Variants in MYT1 observed in about 807,000 individuals in gnomAD.
MYT1 encodes the protein myelin transcription factor I.
MYT1 carries 23 observed loss-of-function variants against 123.0 expected under a neutral mutation model. The ratio of observed to expected loss-of-function variants is 0.19; its 90% CI spans 0.13 to 0.26. The LOEUF is 0.26. MYT1 is among the 10% of genes least tolerant of loss of function. The probability of loss-of-function intolerance (pLI) is 1.00; values close to 1 mark genes in which losing one functional copy is unlikely to be tolerated. For synonymous variants in MYT1, 518 were observed against 575.3 expected (o/e 0.90, Z 1.43); for missense variants, 1,125 against 1,472.5 (o/e 0.76, Z 3.86).
intron 1 of MYT1, among the ~76,000 whole-genome samples, chr20:64,170,884 T>TAGAGAGAGAGAGAG (rs71197459): frequency 5.5e-4 from 11 of 20,012 alleles, no homozygotes; most frequent in South Asian, 2.7e-3. Flanking sequence ...TATATATATA[T>TAGAGAGAGAGAGAG]AGAGAGAGAG....
In MYT1 at chr20:64,166,043, T is replaced by TG. The variant is rs1310204090; in HGVS notation, c.-99+1305dup. ...GGGGGTGCTGTATCCTCTACAGGGC[T>TG]GACTGAGGGAGGCTCCCCTCGGCCC... On this transcript the variant is annotated intron_variant, in intron 1 of 22. Transcript: ENST00000328439. The surrounding 1 kb of genome is among the most constrained non-coding windows in gnomAD (Gnocchi z 4.9). Among the ~76,000 whole-genome samples the TG allele has an allele frequency of 1.5e-4, 23 of 152,148 alleles. 1 individual carries two copies. Among genetic ancestry groups the TG allele is most frequent in the Non-Finnish European group, 5.9e-5 (4 of 67,992 alleles).
chr20:64,211,534 C>T (rs1437873973), intron 8 of MYT1, among the ~76,000 whole-genome samples, 194 bp downstream of exon 8: 1 of 152,240 alleles, frequency 6.6e-6, no homozygotes, highest in Non-Finnish European at 1.5e-5. Flanking sequence ...CCCTTTGAGG[C>T]TGGGGCCCTG....
rs1983127742 is a variant in MYT1 at position 64,196,569 on chromosome 20, C to G, written c.1-2293C>G. ...CGGGTTCATTCTCGTATTAAAGAGCCTGGTTTATTTTTTCTTCGGTAGTTC... is the reference window on the plus strand; with the variant it reads ...CGGGTTCATTCTCGTATTAAAGAGCGTGGTTTATTTTTTCTTCGGTAGTTC... On this transcript the variant is annotated intron_variant, in intron 2 of 22. Coordinates refer to ENST00000328439, the MANE Select transcript of MYT1 (RefSeq NM_004535.3). This position sits in a 1 kb window ranked among gnomAD's most constrained non-coding sequence, Gnocchi z 4.3. Among the ~76,000 whole-genome samples, 1 of 152,208 alleles carries G rather than the reference C, an allele frequency of 6.6e-6. No individual in the cohort carries two copies. The highest frequency in any genetic ancestry group is 1.5e-5 in the Non-Finnish European group (1 of 68,036).
Position 64,217,111 on chromosome 20 carries a change from G to A in MYT1, c.1676G>A (p.Ser559Asn). The A allele has an allele frequency of 6.2e-7, 1 of 1,614,030 alleles. No individual in the cohort carries two copies. The highest frequency in any genetic ancestry group is 1.1e-5 in the South Asian group (1 of 91,090). Residue 559 changes from serine (S) to asparagine (N), a missense_variant, in exon 11 of 23, where the codon AGC (serine) becomes AAC (asparagine). Transcript: ENST00000328439. ...CAGCTCGAGGTCCCTCCATATGGGA[G>A]CTACCGGCCCAACGTGGCCCCCGCC... Reference protein sequence around the residue: ...VKQLEVPPYGSYRPNVAPATP... With the variant: ...VKQLEVPPYGNYRPNVAPATP...
At chr20:64,200,150 A>G (rs3003138) in intron 4 of MYT1, among the ~76,000 whole-genome samples, 32,043 of 152,186 alleles carry the variant, frequency 0.21, 3,481 homozygotes, top group Middle Eastern at 0.23. Context: ...CACCAGCATC[A>G]TGGCAAGGAC....
intron 19 of MYT1, among the ~76,000 whole-genome samples, chr20:64,236,026 G>A (rs1375276944): frequency 7.5e-5 from 9 of 119,912 alleles, no homozygotes; most frequent in Admixed American, 3.1e-4. Context: ...TGGGCTGGCC[G>A]CGGTGGGTGA....
intron 1 of MYT1, among the ~76,000 whole-genome samples, chr20:64,188,827 G>A (rs1982887042): frequency 6.6e-6 from 1 of 152,202 alleles, no homozygotes; most frequent in South Asian, 2.1e-4. Flanking sequence ...CGGAGCCTGC[G>A]GTGGGAGCCC....
chr20:64,165,149 G>C (rs984516440), intron 1 of MYT1, among the ~76,000 whole-genome samples: 2 of 152,120 alleles, frequency 1.3e-5, no homozygotes, highest in Non-Finnish European at 2.9e-5. Flanking sequence ...GGCCGCTTAA[G>C]CAGAAGACCT....
chr20:64,230,120 C>T (rs1984276308), intron 18 of MYT1, among the ~76,000 whole-genome samples: 1 of 152,178 alleles, frequency 6.6e-6, no homozygotes, highest in Non-Finnish European at 1.5e-5. Flanking sequence ...GAGAACATAC[C>T]TGAAATCTGA....
At chr20:64,198,430 C>T (rs1052035615) in intron 2 of MYT1, among the ~76,000 whole-genome samples, 17 of 152,040 alleles carry the variant, frequency 1.1e-4, no homozygotes, top group Admixed American at 6.6e-4. Flanking sequence ...CTGTGGTGAG[C>T]GACCTGCCCT....
In MYT1 at chr20:64,191,693, G is replaced by A. The variant is rs563943384; in HGVS notation, c.-1+1533G>A. 47 of 152,310 alleles carry A rather than the reference G, an allele frequency of 3.1e-4. No homozygotes were observed. The highest frequency in any genetic ancestry group is 1.1e-3 in the African/African-American group (46 of 41,568). 9.4% of individuals were successfully genotyped at this position (152,310 alleles called of 1,614,324 possible). On this transcript the variant is annotated intron_variant, in intron 2 of 22. Coordinates refer to ENST00000328439, the MANE Select transcript of MYT1 (RefSeq NM_004535.3). This position sits in a 1 kb window ranked among gnomAD's most constrained non-coding sequence, Gnocchi z 4.1. ...GGGTCTGTTATAGACAACTTGCTGA[G>A]CACCTCCGCTCATATTTTGGCTCCC... is the stretch of plus-strand genomic sequence containing the variant.
chr20:64,197,029 T>C (rs926175162), intron 2 of MYT1, among the ~76,000 whole-genome samples: 1 of 152,158 alleles, frequency 6.6e-6, no homozygotes, highest in Non-Finnish European at 1.5e-5. Context: ...TGTAATGAAG[T>C]CCCTGTGACA....
intron 4 of MYT1, 92 bp downstream of exon 4, chr20:64,200,014 T>G: frequency 6.8e-7 from 1 of 1,466,182 alleles, no homozygotes; most frequent in Non-Finnish European, 9.6e-7. Context: ...CTTCTTGGAT[T>G]GACCAAACAC....
At chr20:64,201,516 G>T (rs139931938) in intron 4 of MYT1, among the ~76,000 whole-genome samples, 163 of 152,324 alleles carry the variant, frequency 1.1e-3, no homozygotes, top group African/African-American at 3.8e-3. Flanking sequence ...TATGTTCCAA[G>T]GAATCAAATA....
At chr20:64,170,515 C>T (rs930900746) in intron 1 of MYT1, among the ~76,000 whole-genome samples, 2 of 152,076 alleles carry the variant, frequency 1.3e-5, no homozygotes, top group East Asian at 3.9e-4. Context: ...TACTTAAATG[C>T]TCAGTTGAGC....
At position 64,207,542 on chromosome 20, in the gene MYT1, G is replaced by A. The variant is rs1983516702; in HGVS notation, c.398-52G>A. On this transcript the variant is annotated intron_variant, in intron 6 of 22. Transcript: ENST00000328439. ...TGGGTGTGTTGGGGACTGGAGACCT[G>A]GAGTCTTCCCACGTGCTCTCTGGCC... 31 of 1,574,168 alleles carry A rather than the reference G, an allele frequency of 2.0e-5. No individual in the cohort carries two copies. The South Asian group carries it at 3.5e-4, about 18-fold the overall frequency.
At chr20:64,199,352 C>A (rs1983220984) in intron 3 of MYT1, among the ~76,000 whole-genome samples, 1 of 152,198 alleles carries the variant, frequency 6.6e-6, no homozygotes, top group African/African-American at 2.4e-5. Context: ...TGAGCCCCAA[C>A]CCCTGGCCAG....
chr20:64,189,061 G>A lies in MYT1; in HGVS notation c.-98-1002G>A, dbSNP rs1982894337. 6.6e-6 allele frequency among the ~76,000 whole-genome samples: 1 copy of A among 152,228 alleles called. No individual in the cohort carries two copies. Among genetic ancestry groups the A allele is most frequent in the Non-Finnish European group, 1.5e-5 (1 of 68,040 alleles). ...TGGAAGCATTTCCAGATAAGAAGAGGGTGCTGTGGCCAGAGGCACAGGGCT... is the reference window on the plus strand; with the variant it reads ...TGGAAGCATTTCCAGATAAGAAGAGAGTGCTGTGGCCAGAGGCACAGGGCT... On this transcript the variant is annotated intron_variant, in intron 1 of 22. Coordinates refer to ENST00000328439, the MANE Select transcript of MYT1 (RefSeq NM_004535.3). The surrounding 1 kb of genome is among the most constrained non-coding windows in gnomAD (Gnocchi z 5.5).
In MYT1 at chr20:64,186,998, C is replaced by A. The variant is rs1398056198; in HGVS notation, c.-98-3065C>A. ...AGAGTTTTCCTGTAGCCTGTGGCCC[C>A]GGCATCCACGTTTCCGTGGAGAGAT... On this transcript the variant is annotated intron_variant, in intron 1 of 22. Transcript: ENST00000328439. This position sits in a 1 kb window ranked among gnomAD's most constrained non-coding sequence, Gnocchi z 4.3. Among the ~76,000 whole-genome samples, 1 of 143,236 alleles carries A rather than the reference C, an allele frequency of 7.0e-6. No individual in the cohort carries two copies. The highest frequency in any genetic ancestry group is 2.6e-5 in the African/African-American group (1 of 38,146). 94.0% of individuals were successfully genotyped at this position (143,236 alleles called of 152,430 possible).
Sources: gnomAD v4.1 joint callset for allele counts (sites outside exome capture counted in the v4.1 genomes callset) on GRCh38, gnomAD v4.1.1 for gene constraint, Gnocchi (gnomAD v3.1) non-coding constraint, MANE v1.5 for transcripts, NCBI Gene and HGNC (gene_info 2026-07-23, HGNC 2026-07-21) for gene names.